DACH1: variants seen among roughly 807,000 people sequenced by gnomAD.
DACH1 encodes dachshund homolog 1.
Under a neutral mutation model 54.2 loss-of-function variants are expected in DACH1, and 12 were observed. The ratio of observed to expected loss-of-function variants is 0.22; its 90% CI spans 0.14 to 0.36. DACH1 has a LOEUF of 0.36. DACH1 is among the 10% of genes least tolerant of loss of function. DACH1 has a pLI of 1.00. For synonymous variants in DACH1, 386 were observed against 366.2 expected, an observed-to-expected ratio of 1.05 and a Z score of -0.62; for missense variants, 805 against 929.8, an observed-to-expected ratio of 0.87 and a Z score of 1.75.
chr13:71,776,856 T>A (rs1379545178), intron 1 of DACH1, among the ~76,000 whole-genome samples: 2 of 152,148 alleles, frequency 1.3e-5, no homozygotes, highest in Non-Finnish European at 2.9e-5. Context: ...ATCTTTTACC[T>A]TCAGCAAGTG....
chr13:71,811,226 T>A (rs1887696588), intron 1 of DACH1, among the ~76,000 whole-genome samples: 1 of 152,148 alleles, frequency 6.6e-6, no homozygotes, highest in Non-Finnish European at 1.5e-5. Flanking sequence ...TATACAAACA[T>A]AAAATGTTTT....
At chr13:71,649,688 T>C (rs376752014) in intron 2 of DACH1, among the ~76,000 whole-genome samples, 130 of 152,246 alleles carry the variant, frequency 8.5e-4, no homozygotes, top group African/African-American at 3.0e-3. Context: ...AAACAAATAT[T>C]GCAAAAATCA....
intron 1 of DACH1, among the ~76,000 whole-genome samples, chr13:71,858,299 A>G (rs1874133365): frequency 6.6e-6 from 1 of 151,756 alleles, no homozygotes; most frequent in African/African-American, 2.4e-5. Context: ...TTGATACCAT[A>G]CAAATTCAAA....
chr13:71,496,541 T>C (rs907279635), intron 6 of DACH1, among the ~76,000 whole-genome samples: 1 of 151,674 alleles, frequency 6.6e-6, no homozygotes. Context: ...TGTAGACTGA[T>C]AGACAATTGA....
At chr13:71,840,410 A>G (rs1165855530) in intron 1 of DACH1, among the ~76,000 whole-genome samples, 2 of 152,346 alleles carry the variant, frequency 1.3e-5, no homozygotes, top group East Asian at 3.9e-4. Flanking sequence ...TCTACAATAT[A>G]AAGTTCAAAT....
intron 3 of DACH1, among the ~76,000 whole-genome samples, chr13:71,620,957 T>G (rs1359376427): frequency 6.6e-6 from 1 of 151,948 alleles, no homozygotes; most frequent in African/African-American, 2.4e-5. Context: ...ATGAACTCAA[T>G]TGATAAAAAG....
chr13:71,620,623 T>G (rs1876161370), intron 3 of DACH1, among the ~76,000 whole-genome samples: 1 of 151,996 alleles, frequency 6.6e-6, no homozygotes, highest in Non-Finnish European at 1.5e-5. Flanking sequence ...ACTTTTACAT[T>G]TGTTTATTAA....
intron 6 of DACH1, among the ~76,000 whole-genome samples, chr13:71,491,761 T>C (rs1340366678): frequency 6.6e-6 from 1 of 152,184 alleles, no homozygotes; most frequent in Non-Finnish European, 1.5e-5. Flanking sequence ...ATTAATATCA[T>C]AGAAGATTTC....
chr13:71,858,771 G>A (rs1193621623), intron 1 of DACH1, among the ~76,000 whole-genome samples: 3 of 151,194 alleles, frequency 2.0e-5, no homozygotes, highest in African/African-American at 7.3e-5. Context: ...TCTGTGCCTG[G>A]CTTATTTCAC....
intron 1 of DACH1, among the ~76,000 whole-genome samples, chr13:71,694,195 A>AAC (rs374382945): frequency 0.021 from 3,235 of 150,616 alleles, 86 homozygotes; most frequent in African/African-American, 0.059. Context: ...GAAACCTGTA[A>AAC]ACACACACAC....
intron 2 of DACH1, among the ~76,000 whole-genome samples, chr13:71,633,437 C>T (rs1877250229): frequency 6.6e-6 from 1 of 152,158 alleles, no homozygotes; most frequent in Non-Finnish European, 1.5e-5. Flanking sequence ...CTAGAATAAT[C>T]ACATTTGTCC....
Position 71,866,012 on chromosome 13 carries a change from C to A in DACH1, c.758G>T (p.Gly253Val), listed in dbSNP as rs1262688038. ...CACTCCTGGCTGGATGGCGCCCAGTCCCCTCAGGATGCGAACTTGTTCCAC... is the reference window on the plus strand; with the variant it reads ...CACTCCTGGCTGGATGGCGCCCAGTACCCTCAGGATGCGAACTTGTTCCAC... ...CNVEQVRILR[G>V]LGAIQPGVNR... Residue 253 changes from glycine to valine, a missense_variant, in exon 1 of 11, where the codon GGA becomes GTA. Physicochemically the swap from Gly to Val is moderately radical, Grantham distance 109. This residue lies in a region of DACH1 where 28 missense variants were observed against 75.7 expected (regional missense o/e 0.37). Coordinates refer to ENST00000613252, the MANE Select transcript of DACH1 (RefSeq NM_080759.6). The A allele has an allele frequency of 6.2e-7, 1 of 1,613,912 alleles. No individual in the cohort carries two copies. Among genetic ancestry groups the A allele is most frequent in the Non-Finnish European group, 8.5e-7 (1 of 1,179,984 alleles).
chr13:71,671,293 GA>G (rs1222328889), intron 2 of DACH1, among the ~76,000 whole-genome samples: 9 of 146,972 alleles, frequency 6.1e-5, no homozygotes, highest in East Asian at 3.9e-4. Flanking sequence ...CTTTCAATTG[GA>G]AAAAAAAAAG....
chr13:71,613,206 T>A (rs993700599), intron 3 of DACH1, among the ~76,000 whole-genome samples: 3 of 152,134 alleles, frequency 2.0e-5, no homozygotes, highest in Non-Finnish European at 4.4e-5. Flanking sequence ...AGAACAGAGA[T>A]CCACTGGCCA....
chr13:71,563,012 A>G (rs1884684983), intron 4 of DACH1, among the ~76,000 whole-genome samples: 4 of 152,060 alleles, frequency 2.6e-5, no homozygotes, highest in Admixed American at 2.6e-4. Flanking sequence ...AACTGCATAC[A>G]TGTCCAGAGA....
chr13:71,734,988 T>C (rs559854916), intron 1 of DACH1, among the ~76,000 whole-genome samples: 194 of 149,414 alleles, frequency 1.3e-3, no homozygotes, highest in African/African-American at 4.7e-3. Flanking sequence ...AGGATATATA[T>C]ATATATACAG....
intron 1 of DACH1, among the ~76,000 whole-genome samples, chr13:71,765,835 G>A (rs545275376): frequency 4.0e-4 from 61 of 151,522 alleles, no homozygotes; most frequent in Non-Finnish European, 3.4e-4. Context: ...AAACAGAGTC[G>A]GTCTAAATCT....
intron 3 of DACH1, 143 bp downstream of exon 3, chr13:71,630,413 A>G: frequency 7.8e-7 from 1 of 1,278,768 alleles, no homozygotes; most frequent in Non-Finnish European, 1.0e-6. Flanking sequence ...GAGAGGCAAA[A>G]TGGTATCCTC....
intron 3 of DACH1, among the ~76,000 whole-genome samples, chr13:71,578,168 G>C (rs1885649752): frequency 6.6e-6 from 1 of 152,150 alleles, no homozygotes; most frequent in African/African-American, 2.4e-5. Flanking sequence ...GGCTGACCCT[G>C]ATAAAGGAGG....
Sources: gnomAD v4.1 joint callset for allele counts (sites outside exome capture counted in the v4.1 genomes callset) on GRCh38, gnomAD v4.1.1 for gene constraint, gnomAD v4.1.1 regional missense constraint, MANE v1.5 for transcripts, NCBI Gene and HGNC (gene_info 2026-07-23, HGNC 2026-07-21) for gene names.